Variants in UTP14C observed in about 807,000 individuals in gnomAD.
UTP14C encodes UTP14C small subunit processome component.
A neutral mutation model predicts 14.6 loss-of-function variants in UTP14C; 10 were observed. That is an observed-to-expected ratio of 0.68 (90% CI 0.42 to 1.16). UTP14C has a LOEUF of 1.16. Ranked by LOEUF, UTP14C falls within the 50% of genes most tolerant of loss-of-function variation. The pLI is 0.00. For synonymous variants in UTP14C, 315 were observed against 331.6 expected (o/e 0.95, Z 0.54); for missense variants, 818 against 890.8 (o/e 0.92, Z 1.04).
chr13:52,027,498 A>G (rs949643741), intron 1 of UTP14C, among the ~76,000 whole-genome samples: 1 of 152,330 alleles, frequency 6.6e-6, no homozygotes, highest in East Asian at 1.9e-4. Context: ...TTTCTCTCCT[A>G]TACATCCAGG....
At position 52,030,179 on chromosome 13, in the gene UTP14C, A is replaced by ACC. The variant is rs773803265; in HGVS notation, c.1375_1376insCC (p.Arg459ThrfsTer8). On this transcript the variant is annotated frameshift_variant, in exon 2 of 2. Transcript: ENST00000521776. LOFTEE classifies it low-confidence loss of function (END_TRUNC). Reference sequence around the variant, plus strand: ...CAGCCAGGAGGTGCTGTCCGAATTGAGGGCACTATCTCAGAAATTGAAGGA... The same window carrying ACC: ...CAGCCAGGAGGTGCTGTCCGAATTGACCGGGCACTATCTCAGAAATTGAAGGA... 98 of 1,614,108 alleles carry ACC rather than the reference A, an allele frequency of 6.1e-5. 1 individual carries two copies. In the South Asian group the frequency reaches 1.0e-3, roughly 17 times the overall value.
At position 52,030,890 on chromosome 13, in the gene UTP14C, A is replaced by G; in HGVS notation, c.2086A>G (p.Arg696Gly). 1 of 1,614,212 alleles carries G rather than the reference A, an allele frequency of 6.2e-7. No individual in the cohort carries two copies. Among genetic ancestry groups the G allele is most frequent in the Non-Finnish European group, 8.5e-7 (1 of 1,180,032 alleles). Residue 696 changes from arginine (R) to glycine (G), a missense_variant, in exon 2 of 2, where the codon AGG (arginine) becomes GGG (glycine). Arg to Gly is a moderately radical substitution (Grantham distance 125). Transcript: ENST00000521776. ...ATTTACCCACCATCGGCAATTTGAA[A>G]GGACCATCCAGACCCCTATAGGATC... ...YPFTHHRQFE[R>G]TIQTPIGSTW... is the part of the protein sequence containing the mutation.
chr13:52,024,892 G>A lies in UTP14C; in HGVS notation c.-532G>A, dbSNP rs1239264272. 1 of 1,612,904 alleles carries A rather than the reference G, an allele frequency of 6.2e-7. No homozygotes were observed. Among genetic ancestry groups the A allele is most frequent in the Non-Finnish European group, 8.5e-7 (1 of 1,180,012 alleles). On this transcript the variant is annotated 5_prime_UTR_variant, in exon 1 of 2. Transcript: ENST00000521776. ...TGAATTAAAGAATTATTTGTCTGAA[G>A]CAACAATTGGTCTGCATACCATGTG...
Position 52,028,576 on chromosome 13 carries a change from A to AAGTTATTTAAG in UTP14C, c.-228_-218dup. 1 of 1,614,014 alleles carries AAGTTATTTAAG rather than the reference A, an allele frequency of 6.2e-7. No homozygotes were observed. Among genetic ancestry groups the AAGTTATTTAAG allele is most frequent in the South Asian group, 1.1e-5 (1 of 91,084 alleles). ...AGTGACATTCCTATCATCTGTGGAAAAGTTATTTAAGTAATGCCATATCTG... is the reference window on the plus strand; with the variant it reads ...AGTGACATTCCTATCATCTGTGGAAAAGTTATTTAAGAGTTATTTAAGTAATGCCATATCTG... On this transcript the variant is annotated 5_prime_UTR_variant, in exon 2 of 2. The change abolishes the stop of an existing upstream ORF in the 5' untranslated region. Coordinates refer to ENST00000521776, the MANE Select transcript of UTP14C (RefSeq NM_021645.6).
chr13:52,031,220 G>A lies in UTP14C; in HGVS notation c.*115G>A, dbSNP rs980395335. The A allele has an allele frequency of 4.1e-6, 6 of 1,455,754 alleles. No individual in the cohort carries two copies. Among genetic ancestry groups the A allele is most frequent in the Non-Finnish European group, 5.5e-6 (6 of 1,092,298 alleles). The allele number at this position is 1,455,754 out of a possible 1,614,324, so 90.2% of individuals were successfully genotyped here. A position where few individuals can be genotyped will look rare whatever the true frequency, so the allele number is the denominator to read the frequency against. ...GGCTCAGCACATTGCATGTAGTTGA[G>A]CCACATTTTTTAAAAAAAGAAAATG... On this transcript the variant is annotated 3_prime_UTR_variant, in exon 2 of 2. Coordinates refer to ENST00000521776, the MANE Select transcript of UTP14C (RefSeq NM_021645.6).
In UTP14C at chr13:52,031,109, G is replaced by T. The variant is rs770494045; in HGVS notation, c.*4G>T. On this transcript the variant is annotated 3_prime_UTR_variant, in exon 2 of 2. Coordinates refer to ENST00000521776, the MANE Select transcript of UTP14C (RefSeq NM_021645.6). ...CAATAAAGAAGAAAAACTGTAGGTT[G>T]TGTAGCTGGAGAAGTGACAGTCAGG... The T allele has an allele frequency of 6.2e-7, 1 of 1,601,722 alleles. No homozygotes were observed. Among genetic ancestry groups the T allele is most frequent in the Non-Finnish European group, 8.5e-7 (1 of 1,173,024 alleles).
At position 52,028,595 on chromosome 13, in the gene UTP14C, A is replaced by G. The variant is rs758511159; in HGVS notation, c.-210A>G. Reference sequence around the variant, plus strand: ...GTGGAAAAGTTATTTAAGTAATGCCATATCTGTAAAATTAAAGATATTTTA... The same window carrying G: ...GTGGAAAAGTTATTTAAGTAATGCCGTATCTGTAAAATTAAAGATATTTTA... On this transcript the variant is annotated 5_prime_UTR_variant, in exon 2 of 2. Coordinates refer to ENST00000521776, the MANE Select transcript of UTP14C (RefSeq NM_021645.6). The G allele has an allele frequency of 1.4e-5, 23 of 1,612,034 alleles. No individual in the cohort carries two copies. Among genetic ancestry groups the G allele is most frequent in the South Asian group, 2.2e-5 (2 of 91,018 alleles).
Position 52,028,842 on chromosome 13 carries a change from G to A in UTP14C, c.38G>A (p.Ser13Asn), listed in dbSNP as rs2140848129. The part of the protein sequence containing the change: ...VNQVAENLAL[S>N]HQEELVDLPK... ...CAGGTTGCAGAGAATCTGGCTTTGA[G>A]CCACCAGGAAGAACTAGTGGATTTG... Residue 13 changes from serine to asparagine, a missense_variant, in exon 2 of 2, where the codon AGC becomes AAC. Transcript: ENST00000521776. 1.9e-6 allele frequency: 3 copies of A among 1,614,230 alleles called. No individual in the cohort carries two copies. Among genetic ancestry groups the A allele is most frequent in the South Asian group, 1.1e-5 (1 of 91,088 alleles).
intron 1 of UTP14C, among the ~76,000 whole-genome samples, chr13:52,028,076 TAGTG>T (rs1954258714): frequency 6.6e-6 from 1 of 151,698 alleles, no homozygotes; most frequent in Non-Finnish European, 1.5e-5. Context: ...CTGGGCAACA[TAGTG>T]AGACCCTATC....
At position 52,028,355 on chromosome 13, in the gene UTP14C, T is replaced by A. The variant is rs1248265912; in HGVS notation, c.-450T>A. On this transcript the variant is annotated 5_prime_UTR_variant, in exon 2 of 2. It adds an upstream start codon to the 5' untranslated region. Coordinates refer to ENST00000521776, the MANE Select transcript of UTP14C (RefSeq NM_021645.6). ...TGTATGGCAGCTGGCACAATTATCC[T>A]TGCACACAATTCGGGGGGCCCAAAG... 6.2e-7 allele frequency: 1 copy of A among 1,614,212 alleles called. No individual in the cohort carries two copies. Among genetic ancestry groups the A allele is most frequent in the Non-Finnish European group, 8.5e-7 (1 of 1,180,042 alleles).
Position 52,028,777 on chromosome 13 carries a change from G to A in UTP14C, c.-28G>A, listed in dbSNP as rs1954266795. On this transcript the variant is annotated 5_prime_UTR_variant, in exon 2 of 2. Transcript: ENST00000521776. The stretch of plus-strand genomic sequence containing the variant: ...GACTAGCCTTCGGCTTCCATTCTTG[G>A]TATACATGAGAGAGGCTGGCTGCTG... The A allele has an allele frequency of 6.2e-7, 1 of 1,614,020 alleles. No homozygotes were observed. Among genetic ancestry groups the A allele is most frequent in the South Asian group, 1.1e-5 (1 of 91,084 alleles).
In UTP14C at chr13:52,032,542, T is replaced by C. The variant is rs79730412; in HGVS notation, c.*1437T>C. On this transcript the variant is annotated 3_prime_UTR_variant, in exon 2 of 2. Transcript: ENST00000521776. ...ATTCATCTTTGTGTTAAGGGGCAAATGAAACGGTATATTATTTCTTTGCAG... is the reference window on the plus strand; with the variant it reads ...ATTCATCTTTGTGTTAAGGGGCAAACGAAACGGTATATTATTTCTTTGCAG... The C allele has an allele frequency of 3.7e-3, 614 of 167,216 alleles. 3 individuals carry two copies. The highest frequency in any genetic ancestry group is 0.013 in the African/African-American group (553 of 41,596). The allele number at this position is 167,216 out of a possible 1,614,324, so 10.4% of individuals were successfully genotyped here.
rs896302816 is a variant in UTP14C, at chr13:52,032,788, T to G, written c.*1683T>G. 1 of 167,086 alleles carries G rather than the reference T, an allele frequency of 6.0e-6. No individual in the cohort carries two copies. Among genetic ancestry groups the G allele is most frequent in the African/African-American group, 2.4e-5 (1 of 41,452 alleles). The allele number at this position is 167,086 out of a possible 1,614,324, so 10.4% of individuals were successfully genotyped here. A position where few individuals can be genotyped will look rare whatever the true frequency, so the allele number is the denominator to read the frequency against. On this transcript the variant is annotated 3_prime_UTR_variant, in exon 2 of 2. Transcript: ENST00000521776. ...GGAACCCTACAGATTAGCCCAGTTC[T>G]CTCTTATTTTCAGCTTTACAGACAA...
At position 52,033,560 on chromosome 13, in the gene UTP14C, A is replaced by AGAAAC. The variant is rs1470231220; in HGVS notation, c.*2456_*2460dup. 3 of 167,054 alleles carry AGAAAC rather than the reference A, an allele frequency of 1.8e-5. No homozygotes were observed. Among genetic ancestry groups the AGAAAC allele is most frequent in the Non-Finnish European group, 4.4e-5 (3 of 68,118 alleles). The allele number at this position is 167,054 out of a possible 1,614,324, so 10.3% of individuals were successfully genotyped here. A position where few individuals can be genotyped will look rare whatever the true frequency, so the allele number is the denominator to read the frequency against. On this transcript the variant is annotated 3_prime_UTR_variant, in exon 2 of 2. Coordinates refer to ENST00000521776, the MANE Select transcript of UTP14C (RefSeq NM_021645.6). ...CCAAGCTCCATATGCCAATTAAAGAAGAAACAAAAATAAAAGTTTGTCTTG... is the reference window on the plus strand; with the variant it reads ...CCAAGCTCCATATGCCAATTAAAGAAGAAACGAAACAAAAATAAAAGTTTGTCTTG...
chr13:52,025,889 T>G (rs1403666399), intron 1 of UTP14C, among the ~76,000 whole-genome samples: 1 of 152,246 alleles, frequency 6.6e-6, no homozygotes, highest in African/African-American at 2.4e-5. Flanking sequence ...GCCCAGACAT[T>G]AAGCAAGAAC....
At position 52,029,106 on chromosome 13, in the gene UTP14C, C is replaced by G. The variant is rs1239318358; in HGVS notation, c.302C>G (p.Thr101Ser). ...EPVKTSSSLA[T>S]VKKQLNRVKS... is the part of the protein sequence containing the mutation. Reference sequence around the variant, plus strand: ...GTTAAAACTTCATCTTCTTTGGCCACTGTAAAAAAGCAACTGAATAGAGTC... The same window carrying G: ...GTTAAAACTTCATCTTCTTTGGCCAGTGTAAAAAAGCAACTGAATAGAGTC... Residue 101 changes from threonine to serine, a missense_variant, in exon 2 of 2, where the codon ACT (threonine) becomes AGT (serine). Coordinates refer to ENST00000521776, the MANE Select transcript of UTP14C (RefSeq NM_021645.6). The G allele has an allele frequency of 6.2e-7, 1 of 1,614,170 alleles. No individual in the cohort carries two copies. The highest frequency in any genetic ancestry group is 2.2e-5 in the East Asian group (1 of 44,886).
In UTP14C at chr13:52,028,431, G is replaced by T; in HGVS notation, c.-374G>T. On this transcript the variant is annotated 5_prime_UTR_variant, in exon 2 of 2. Transcript: ENST00000521776. ...GAGATATAACTGGCTTTCTGGCTGA[G>T]AGTGAAGAAGACTATGCTGAAACTA... 6.2e-7 allele frequency: 1 copy of T among 1,614,198 alleles called. No homozygotes were observed. Among genetic ancestry groups the T allele is most frequent in the Non-Finnish European group, 8.5e-7 (1 of 1,180,044 alleles).
At chr13:52,028,089 T>C (rs930437625) in intron 1 of UTP14C, among the ~76,000 whole-genome samples, 69 of 151,102 alleles carry the variant, frequency 4.6e-4, no homozygotes, top group African/African-American at 1.4e-3. Flanking sequence ...TGAGACCCTA[T>C]CTCTTAAAAA....
rs1954309960 is a variant in UTP14C at position 52,031,902 on chromosome 13, A to C, written c.*797A>C. The stretch of plus-strand genomic sequence containing the variant: ...ACCTTTTAGAGTTGGAATGAGATGG[A>C]AAGTAGATGAAACTACTTTGAAAAT... On this transcript the variant is annotated 3_prime_UTR_variant, in exon 2 of 2. Coordinates refer to ENST00000521776, the MANE Select transcript of UTP14C (RefSeq NM_021645.6). 6.0e-6 allele frequency: 1 copy of C among 167,068 alleles called. No homozygotes were observed. Among genetic ancestry groups the C allele is most frequent in the African/African-American group, 2.4e-5 (1 of 41,438 alleles). The allele number at this position is 167,068 out of a possible 1,614,324, so 10.3% of individuals were successfully genotyped here. A position where few individuals can be genotyped will look rare whatever the true frequency, so the allele number is the denominator to read the frequency against.
Sources: allele counts gnomAD v4.1 joint callset (sites outside exome capture counted in the v4.1 genomes callset), GRCh38; gene constraint gnomAD v4.1.1; transcripts MANE v1.5; gene names NCBI Gene and HGNC (gene_info 2026-07-23, HGNC 2026-07-21).